Variants in NCALD observed in about 807,000 individuals in gnomAD.
NCALD encodes neurocalcin-delta.
In NCALD, 10 loss-of-function variants were observed where a neutral mutation model predicts 18.6. That is an observed-to-expected ratio of 0.54 (90% CI 0.33 to 0.91). The LOEUF (loss-of-function observed/expected upper bound fraction) is 0.91, where lower values mean the gene tolerates loss of function less well. NCALD is among the 40% of genes least tolerant of loss of function. The probability of loss-of-function intolerance (pLI) is 0.03; values close to 1 mark genes in which losing one functional copy is unlikely to be tolerated. For synonymous variants in NCALD, 88 were observed against 87.4 expected (o/e 1.01, Z -0.04); for missense variants, 184 against 247.6 (o/e 0.74, Z 1.72).
chr8:101,939,652 C>T (rs1818885870), intron 2 of NCALD, among the ~76,000 whole-genome samples: 2 of 152,162 alleles, frequency 1.3e-5, no homozygotes, highest in African/African-American at 4.8e-5. Context: ...ATCCAAATAG[C>T]TACAAATTCT....
intron 1 of NCALD, among the ~76,000 whole-genome samples, chr8:102,022,053 G>T (rs1266678085): frequency 2.0e-5 from 3 of 152,212 alleles, no homozygotes; most frequent in Non-Finnish European, 4.4e-5. Context: ...TGGAGCTTCA[G>T]TGCAGGGGAC....
intron 4 of NCALD, among the ~76,000 whole-genome samples, chr8:101,862,307 A>G (rs1261450938): frequency 1.3e-5 from 2 of 152,228 alleles, no homozygotes; most frequent in Non-Finnish European, 2.9e-5. Flanking sequence ...TTAATAAACT[A>G]CTTACGGCAA....
intron 4 of NCALD, among the ~76,000 whole-genome samples, chr8:101,856,303 A>T (rs1160900124): frequency 1.3e-5 from 2 of 152,048 alleles, no homozygotes; most frequent in African/African-American, 4.8e-5. Flanking sequence ...CCCCAGAGTG[A>T]CTTGGACCAC....
At chr8:101,899,494 T>A (rs574541310) in intron 3 of NCALD, among the ~76,000 whole-genome samples, 24 of 152,124 alleles carry the variant, frequency 1.6e-4, no homozygotes, top group Middle Eastern at 3.4e-3. Flanking sequence ...AATCTTTTAC[T>A]ATTAAGTACA....
At chr8:101,910,794 C>G (rs1817768736) in intron 3 of NCALD, among the ~76,000 whole-genome samples, 1 of 152,060 alleles carries the variant, frequency 6.6e-6, no homozygotes, top group Non-Finnish European at 1.5e-5. Flanking sequence ...CTAGGCAAAC[C>G]TAAATCCCTG....
Position 102,091,769 on chromosome 8 carries a change from C to T in NCALD, c.-210+32468G>A, listed in dbSNP as rs1322463050. 3.3e-5 allele frequency among the ~76,000 whole-genome samples: 5 copies of T among 152,154 alleles called. No homozygotes were observed. In the South Asian group the frequency reaches 6.2e-4, roughly 19 times the overall value. On this transcript the variant is annotated intron_variant, in intron 1 of 6. Transcript: ENST00000311028. ...TGTTGAAACTTGGAGTTATGAATGGCCCTCACCATACTAATGCTTTCTGAC... is the reference window on the plus strand; with the variant it reads ...TGTTGAAACTTGGAGTTATGAATGGTCCTCACCATACTAATGCTTTCTGAC...
At chr8:101,930,471 C>T (rs992442393) in intron 2 of NCALD, among the ~76,000 whole-genome samples, 2 of 151,972 alleles carry the variant, frequency 1.3e-5, no homozygotes, top group African/African-American at 2.4e-5. Flanking sequence ...GCTATGTGAG[C>T]TCAATGCCAG....
At position 101,871,545 on chromosome 8, in the gene NCALD, C is replaced by T. The variant is rs192197364; in HGVS notation, c.-20+15596G>A. Among the ~76,000 whole-genome samples the T allele has an allele frequency of 7.5e-4, 114 of 151,118 alleles. 2 individuals are homozygous for T. Among genetic ancestry groups the T allele is most frequent in the African/African-American group, 2.5e-3 (103 of 40,854 alleles). The stretch of plus-strand genomic sequence containing the variant: ...AGCTGTGTGCCAGGGGAGATGTTCC[C>T]AAACAGAGATATTTTAATCCTCTGG... On this transcript the variant is annotated intron_variant, in intron 4 of 6. Transcript: ENST00000311028.
At chr8:101,951,954 CGA>C (rs1197638708) in intron 2 of NCALD, among the ~76,000 whole-genome samples, 1 of 152,146 alleles carries the variant, frequency 6.6e-6, no homozygotes, top group Non-Finnish European at 1.5e-5. Context: ...CTGGACTAAG[CGA>C]GAGAGAGGAA....
chr8:101,806,011 T>G (rs552591279), intron 4 of NCALD, among the ~76,000 whole-genome samples: 5 of 152,220 alleles, frequency 3.3e-5, no homozygotes, highest in Non-Finnish European at 7.4e-5. Context: ...AAGCAGACCA[T>G]ATAACAGAGA....
At chr8:102,089,875 T>C (rs1193713977) in intron 1 of NCALD, among the ~76,000 whole-genome samples, 1 of 152,258 alleles carries the variant, frequency 6.6e-6, no homozygotes, top group African/African-American at 2.4e-5. Context: ...AGTTTTTCTG[T>C]AAATTAAACA....
chr8:101,891,157 A>G (rs1220952316), intron 3 of NCALD, among the ~76,000 whole-genome samples: 1 of 152,118 alleles, frequency 6.6e-6, no homozygotes, highest in Non-Finnish European at 1.5e-5. Context: ...TTACATTTCC[A>G]CATTATTTTA....
intron 4 of NCALD, among the ~76,000 whole-genome samples, chr8:101,872,918 G>A (rs1041935920): frequency 1.3e-5 from 2 of 152,136 alleles, no homozygotes; most frequent in African/African-American, 2.4e-5. Context: ...CACATCATAT[G>A]AGAGAGAGAC....
At chr8:101,898,347 G>A (rs1817287332) in intron 3 of NCALD, among the ~76,000 whole-genome samples, 1 of 152,084 alleles carries the variant, frequency 6.6e-6, no homozygotes, top group African/African-American at 2.4e-5. Flanking sequence ...TTTACAATAA[G>A]ATATCTCTTT....
At chr8:101,824,295 G>A (rs1015662766) in intron 4 of NCALD, among the ~76,000 whole-genome samples, 13 of 152,048 alleles carry the variant, frequency 8.5e-5, no homozygotes, top group African/African-American at 3.1e-4. Context: ...GGGTCCTGAT[G>A]GGGCCCAACG....
rs540163149 is a variant in NCALD, at chr8:101,864,748, C to G, written c.-20+22393G>C. Among the ~76,000 whole-genome samples the G allele has an allele frequency of 3.9e-5, 6 of 152,206 alleles. No homozygotes were observed. In the East Asian group the frequency reaches 9.7e-4, roughly 25 times the overall value. ...TAGCTGGAATTACAGGTGCCCAACACTACGCCCAGCTAGTTTTTGGTATTT... is the reference window on the plus strand; with the variant it reads ...TAGCTGGAATTACAGGTGCCCAACAGTACGCCCAGCTAGTTTTTGGTATTT... On this transcript the variant is annotated intron_variant, in intron 4 of 6. Transcript: ENST00000311028.
At chr8:101,961,406 A>G (rs1423007985) in intron 2 of NCALD, among the ~76,000 whole-genome samples, 5 of 152,166 alleles carry the variant, frequency 3.3e-5, no homozygotes, top group Non-Finnish European at 7.4e-5. Flanking sequence ...AAATTTGAGT[A>G]TTTCTCAGGT....
chr8:101,951,382 C>A (rs944455687), intron 2 of NCALD, among the ~76,000 whole-genome samples: 2 of 152,084 alleles, frequency 1.3e-5, no homozygotes, highest in Non-Finnish European at 2.9e-5. Context: ...GCACCTTCAG[C>A]AATCTTAGAG....
chr8:101,795,303 T>C (rs1812598496), upstream of NCALD, among the ~76,000 whole-genome samples: 1 of 152,160 alleles, frequency 6.6e-6, no homozygotes, highest in Non-Finnish European at 1.5e-5. Flanking sequence ...AAGGAAAATA[T>C]ATTGAGCGTC....
Sources: gnomAD v4.1 joint callset for allele counts (sites outside exome capture counted in the v4.1 genomes callset) on GRCh38, gnomAD v4.1.1 for gene constraint, MANE v1.5 for transcripts, NCBI Gene and HGNC (gene_info 2026-07-23, HGNC 2026-07-21) for gene names.